TSG101: variants seen among roughly 807,000 people sequenced by gnomAD.
TSG101 encodes tumor susceptibility 101.
In TSG101, 19 loss-of-function variants were observed where a neutral mutation model predicts 48.5. The ratio of observed to expected loss-of-function variants is 0.39; its 90% CI spans 0.27 to 0.58. TSG101 has a LOEUF of 0.58. Among genes scored for constraint, TSG101 ranks in the 20% least tolerant of loss-of-function variants. TSG101 has a pLI of 0.55. For synonymous variants in TSG101, 174 were observed against 169.4 expected (o/e 1.03, Z -0.21); for missense variants, 365 against 484.4 (o/e 0.75, Z 2.31).
intron 8 of TSG101, among the ~76,000 whole-genome samples, chr11:18,483,273 T>A (rs1849571082): frequency 6.6e-6 from 1 of 152,072 alleles, no homozygotes; most frequent in African/African-American, 2.4e-5. Flanking sequence ...GGTGGGTGGA[T>A]CACCTGAGAT....
At chr11:18,519,408 G>A (rs1237906194) in intron 2 of TSG101, 111 bp downstream of exon 2, 4 of 805,380 alleles carry the variant, frequency 5.0e-6, no homozygotes, top group African/African-American at 1.8e-5. Flanking sequence ...AGGCGGTGGT[G>A]CAATCCCACA....
intron 8 of TSG101, among the ~76,000 whole-genome samples, chr11:18,482,847 C>G (rs1365194283): frequency 6.6e-6 from 1 of 152,192 alleles, no homozygotes; most frequent in African/African-American, 2.4e-5. Context: ...TTTATCATGG[C>G]TTAGAACTCT....
chr11:18,508,312 C>T (rs951702029), intron 5 of TSG101, among the ~76,000 whole-genome samples: 1 of 150,372 alleles, frequency 6.7e-6, no homozygotes, highest in African/African-American at 2.5e-5. Context: ...ACATCTGCCT[C>T]AGCCTCCCGA....
intron 7 of TSG101, among the ~76,000 whole-genome samples, chr11:18,484,473 A>G (rs1849590663): frequency 6.6e-6 from 1 of 152,248 alleles, no homozygotes; most frequent in South Asian, 2.1e-4. Context: ...GCTAAGCTGA[A>G]GGAGACAAGT....
intron 1 of TSG101, among the ~76,000 whole-genome samples, chr11:18,521,216 C>T (rs1850267259): frequency 6.6e-6 from 1 of 152,208 alleles, no homozygotes; most frequent in Admixed American, 6.5e-5. Context: ...TAGGCTTCTA[C>T]ACTCAGCATT....
Position 18,499,402 on chromosome 11 carries a change from A to ATATATATATATATT in TSG101, c.640+3083_640+3084insAATATATATATATA. 7.3e-4 allele frequency among the ~76,000 whole-genome samples: 4 copies of ATATATATATATATT among 5,456 alleles called. 1 individual carries two copies. Among genetic ancestry groups the ATATATATATATATT allele is most frequent in the Non-Finnish European group, 1.0e-3 (3 of 2,870 alleles). The allele number at this position is 5,456 out of a possible 152,430, so 3.6% of individuals were successfully genotyped here. A position where few individuals can be genotyped will look rare whatever the true frequency, so the allele number is the denominator to read the frequency against. On this transcript the variant is annotated intron_variant, in intron 7 of 9. Transcript: ENST00000251968. ...TTTAAATATATATATATATATATAT[A>ATATATATATATATT]TTTTTTTTTTTTTTTTTTTTTTTCC...
intron 5 of TSG101, 50 bp downstream of exon 5, chr11:18,509,492 G>A (rs1850040630): frequency 2.5e-6 from 4 of 1,570,150 alleles, no homozygotes; most frequent in Non-Finnish European, 3.5e-6. Context: ...AAAGGTTTCT[G>A]TTCTCTTTTG....
At chr11:18,507,664 A>G (rs966410977) in intron 5 of TSG101, 1 of 152,190 alleles carries the variant, frequency 6.6e-6, no homozygotes, top group African/African-American at 2.4e-5. Context: ...AAAAATAGTA[A>G]AGAATCTGCT....
chr11:18,494,050 T>A (rs1421352537), intron 7 of TSG101, among the ~76,000 whole-genome samples: 1 of 152,198 alleles, frequency 6.6e-6, no homozygotes, highest in Non-Finnish European at 1.5e-5. Context: ...TCAGCAGGTT[T>A]ACACTTCTTG....
chr11:18,520,995 C>T (rs1404649181), intron 1 of TSG101, among the ~76,000 whole-genome samples: 1 of 151,480 alleles, frequency 6.6e-6, no homozygotes, highest in Non-Finnish European at 1.5e-5. Flanking sequence ...CGTGCCCTTG[C>T]ACTCCAGCCT....
intron 1 of TSG101, among the ~76,000 whole-genome samples, chr11:18,526,291 TG>T (rs1850371686): frequency 6.6e-6 from 1 of 152,332 alleles, no homozygotes; most frequent in African/African-American, 2.4e-5. Flanking sequence ...AGTAAGGGAC[TG>T]GTATTTTCGC....
At chr11:18,525,155 C>T (rs1381341612) in intron 1 of TSG101, among the ~76,000 whole-genome samples, 2 of 152,166 alleles carry the variant, frequency 1.3e-5, no homozygotes, top group South Asian at 2.1e-4. Context: ...GTGATCCACC[C>T]GCCTTGGCCT....
At chr11:18,508,845 C>CAAAAA (rs55923115) in intron 5 of TSG101, 1 of 147,320 alleles carries the variant, frequency 6.8e-6, no homozygotes, top group Non-Finnish European at 1.5e-5. Flanking sequence ...GAAAATTTAC[C>CAAAAA]AAAAAAAAAA....
At chr11:18,494,475 A>C (rs2133910827) in intron 7 of TSG101, among the ~76,000 whole-genome samples, 1 of 152,342 alleles carries the variant, frequency 6.6e-6, no homozygotes, top group Admixed American at 6.5e-5. Context: ...TCATTTGTTA[A>C]CTTACACAAT....
chr11:18,480,597 C>A lies in TSG101; in HGVS notation c.1122G>T (p.Arg374Ser). 6.2e-7 allele frequency: 1 copy of A among 1,613,806 alleles called. No homozygotes were observed. The highest frequency in any genetic ancestry group is 8.5e-7 in the Non-Finnish European group (1 of 1,179,910). Residue 374 changes from arginine (R) to serine (S), a missense_variant, in exon 10 of 10, where the codon AGG becomes AGT. By Grantham distance (110) the Arg-to-Ser change is moderately radical (BLOSUM62 -1). Coordinates refer to ENST00000251968, the MANE Select transcript of TSG101 (RefSeq NM_006292.4). ...TCTTTCTTGCTTTTTGCATTAGTGC[C>A]CTCAGCTGGAACTGTTTACGGGACA... Reference protein sequence around the residue: ...RLLSRKQFQLRALMQKARKTA... With the variant: ...RLLSRKQFQLSALMQKARKTA...
chr11:18,480,854 G>C (rs1849524810), intron 9 of TSG101, among the ~76,000 whole-genome samples: 1 of 152,176 alleles, frequency 6.6e-6, no homozygotes, highest in African/African-American at 2.4e-5. Context: ...TCAGGAGTTT[G>C]ACCTACACTT....
At chr11:18,501,226 C>T (rs1477932950) in intron 7 of TSG101, among the ~76,000 whole-genome samples, 1 of 152,098 alleles carries the variant, frequency 6.6e-6, no homozygotes, top group Admixed American at 6.5e-5. Context: ...CCTATGTATT[C>T]TTCTAGTAGT....
Position 18,510,413 on chromosome 11 carries a change from T to A in TSG101, c.358-748A>T, listed in dbSNP as rs555287518. ...TCCATCCTAGGCGACAGAGCAAGAC[T>A]CTGTCTCAAAACAAACAAACAAAAA... is the stretch of plus-strand genomic sequence containing the variant. On this transcript the variant is annotated intron_variant, in intron 4 of 9. Transcript: ENST00000251968. Among the ~76,000 whole-genome samples the A allele has an allele frequency of 6.6e-5, 10 of 152,278 alleles. 1 individual carries two copies. In the South Asian group the frequency reaches 1.9e-3, roughly 28 times the overall value.
intron 4 of TSG101, among the ~76,000 whole-genome samples, chr11:18,513,472 A>T (rs1232206607): frequency 6.6e-6 from 1 of 151,516 alleles, no homozygotes; most frequent in African/African-American, 2.4e-5. Context: ...TTTTTAAAAT[A>T]TTTTTTTATA....
Sources: gnomAD v4.1 joint callset for allele counts (sites outside exome capture counted in the v4.1 genomes callset) on GRCh38, gnomAD v4.1.1 for gene constraint, MANE v1.5 for transcripts, NCBI Gene and HGNC (gene_info 2026-07-23, HGNC 2026-07-21) for gene names.